WLS: variants seen among roughly 807,000 people sequenced by gnomAD.
WLS encodes the protein Wnt ligand secretion mediator, also known as protein wntless homolog.
A neutral mutation model predicts 62.8 loss-of-function variants in WLS; 23 were observed. That is an observed-to-expected ratio of 0.37 (90% CI 0.26 to 0.52). The LOEUF is 0.52. WLS is among the 20% of genes least tolerant of loss of function. The pLI is 0.92. For missense variants in WLS, 615 were observed against 697.3 expected (o/e 0.88, Z 1.33); for synonymous variants, 246 against 244.1 (o/e 1.01, Z -0.07).
At chr1:68,129,375 ATTTAC>A (rs904528140) in intron 11 of WLS, among the ~76,000 whole-genome samples, 4 of 152,162 alleles carry the variant, frequency 2.6e-5, no homozygotes, top group African/African-American at 7.2e-5. Flanking sequence ...TGTTTAGCAT[ATTTAC>A]TTTGCTTTTG....
At chr1:68,107,384 G>A (rs1432898884) in intron 11 of WLS, among the ~76,000 whole-genome samples, 2 of 152,026 alleles carry the variant, frequency 1.3e-5, no homozygotes, top group Non-Finnish European at 1.5e-5. Flanking sequence ...TTTAACAGCT[G>A]GAAGGTAGGA....
At chr1:68,192,374 G>A (rs1648358014) in intron 2 of WLS, among the ~76,000 whole-genome samples, 1 of 151,842 alleles carries the variant, frequency 6.6e-6, no homozygotes, top group South Asian at 2.1e-4. Flanking sequence ...CCAAAAATTT[G>A]GGGAGGCTAA....
At chr1:68,218,232 G>T (rs1327097685) in intron 1 of WLS, among the ~76,000 whole-genome samples, 1 of 119,854 alleles carries the variant, frequency 8.3e-6, no homozygotes, top group Non-Finnish European at 2.2e-5. Context: ...GTATCAAAAT[G>T]GTGGATTTTT....
intron 2 of WLS, among the ~76,000 whole-genome samples, chr1:68,178,945 G>C (rs1647394783): frequency 6.6e-6 from 1 of 152,078 alleles, no homozygotes. Flanking sequence ...ACTCTTTGAG[G>C]TTATTTATAC....
Position 68,106,752 on chromosome 1 carries a change from ATGTGTGG to A in WLS, c.1511-8006_1511-8000del, listed in dbSNP as rs1557443443. On this transcript the variant is annotated intron_variant, in intron 11 of 11. Coordinates refer to the WLS transcript ENST00000354777. Reference sequence around the variant, plus strand: ...TGTGTGTGTGTGTGTGTGTGTGTGTATGTGTGGGTAGGTGGGTGGGTGAGTATAGAGG... The same window carrying A: ...TGTGTGTGTGTGTGTGTGTGTGTGTAGTAGGTGGGTGGGTGAGTATAGAGG... Among the ~76,000 whole-genome samples, 3 of 118,194 alleles carry A rather than the reference ATGTGTGG, an allele frequency of 2.5e-5. No homozygotes were observed. In the East Asian group the frequency reaches 7.5e-4, roughly 30 times the overall value. 77.5% of individuals were successfully genotyped at this position (118,194 alleles called of 152,430 possible).
In WLS at chr1:68,223,118, GGACA is replaced by G. The variant is rs909764910; in HGVS notation, c.106+9072_106+9075del. Among the ~76,000 whole-genome samples, 50 of 152,212 alleles carry G rather than the reference GGACA, an allele frequency of 3.3e-4. 1 individual carries two copies. The South Asian group carries it at 4.6e-3, about 14-fold the overall frequency. ...GTTGGCAAATCATCCCAACTCAGAA[GGACA>G]GACTTACAAAATGGCATAATCAAGC... On this transcript the variant is annotated intron_variant, in intron 1 of 11. Coordinates refer to ENST00000262348, the MANE Select transcript of WLS (RefSeq NM_024911.7).
At chr1:68,199,843 C>T (rs1038935125) in intron 1 of WLS, among the ~76,000 whole-genome samples, 2 of 152,122 alleles carry the variant, frequency 1.3e-5, no homozygotes, top group Non-Finnish European at 2.9e-5. Context: ...TGGAAGGAGG[C>T]GGAGTGAGAG....
Position 68,219,854 on chromosome 1 carries a change from C to T in WLS, c.106+12340G>A, listed in dbSNP as rs552373191. Among the ~76,000 whole-genome samples, 22 of 152,202 alleles carry T rather than the reference C, an allele frequency of 1.4e-4. 2 individuals are homozygous for T. In the South Asian group the frequency reaches 4.6e-3, roughly 32 times the overall value. On this transcript the variant is annotated intron_variant, in intron 1 of 11. Transcript: ENST00000262348. ...TCCTCAAAGTTTGACTTTAAGAAGT[C>T]TTTGTCATTCACGTTATTATCTAGA... is the stretch of plus-strand genomic sequence containing the variant.
chr1:68,182,475 T>C (rs1360745000), intron 2 of WLS, among the ~76,000 whole-genome samples: 1 of 152,196 alleles, frequency 6.6e-6, no homozygotes, highest in Non-Finnish European at 1.5e-5. Flanking sequence ...TCCCTAATCT[T>C]CTCTATCCTG....
intron 11 of WLS, among the ~76,000 whole-genome samples, chr1:68,113,776 G>C (rs1292280175): frequency 3.9e-5 from 6 of 152,144 alleles, no homozygotes; most frequent in Non-Finnish European, 8.8e-5. Context: ...GCTCCCAGGT[G>C]AACTGTCCGC....
At chr1:68,110,007 T>TAAAAAAAAAAAAAAAAAAAAAAAAAAA (rs11290966) in intron 11 of WLS, among the ~76,000 whole-genome samples, 7 of 28,430 alleles carry the variant, frequency 2.5e-4, no homozygotes, top group Admixed American at 4.1e-4. Context: ...ACACAAAAAG[T>TAAAAAAAAAAAAAAAAAAAAAAAAAAA]AAAAAAAAAA....
In WLS at chr1:68,232,505, T is replaced by A. The variant is rs547365278; in HGVS notation, c.-206A>T. The A allele has an allele frequency of 9.4e-7, 1 of 1,063,084 alleles. No individual in the cohort carries two copies. Among genetic ancestry groups the A allele is most frequent in the Non-Finnish European group, 1.3e-6 (1 of 789,442 alleles). 65.9% of individuals were successfully genotyped at this position (1,063,084 alleles called of 1,614,324 possible). ...GCGCAGCCGGCTCGGGTTCCCCCAATGCCCGGAGCTGTGATTGTGGCCGCT... is the reference window on the plus strand; with the variant it reads ...GCGCAGCCGGCTCGGGTTCCCCCAAAGCCCGGAGCTGTGATTGTGGCCGCT... On this transcript the variant is annotated 5_prime_UTR_variant, in exon 1 of 12. Coordinates refer to ENST00000262348, the MANE Select transcript of WLS (RefSeq NM_024911.7).
chr1:68,175,570 T>G (rs77131748), intron 2 of WLS, among the ~76,000 whole-genome samples: 5,742 of 152,268 alleles, frequency 0.038, 355 homozygotes, highest in African/African-American at 0.13. Flanking sequence ...AGTTCTAATA[T>G]TTCATGAATG....
intron 5 of WLS, 21 bp downstream of exon 5, chr1:68,153,494 AGC>A: frequency 6.2e-7 from 1 of 1,613,878 alleles, no homozygotes; most frequent in Non-Finnish European, 8.5e-7. Context: ...ATTCCTGAAG[AGC>A]GCTCCAAAAC....
At chr1:68,175,761 C>T (rs1647232308) in intron 2 of WLS, among the ~76,000 whole-genome samples, 1 of 152,106 alleles carries the variant, frequency 6.6e-6, no homozygotes, top group African/African-American at 2.4e-5. Flanking sequence ...TACAAAAATA[C>T]CAGAGAACCA....
At chr1:68,118,923 T>C (rs1033332219) in intron 11 of WLS, among the ~76,000 whole-genome samples, 45 of 134,816 alleles carry the variant, frequency 3.3e-4, no homozygotes, top group African/African-American at 1.2e-3. Flanking sequence ...CAATATTAGA[T>C]GTTCAACATA....
At chr1:68,106,743 T>C (rs981224181) in intron 11 of WLS, among the ~76,000 whole-genome samples, 1 of 123,912 alleles carries the variant, frequency 8.1e-6, no homozygotes, top group Admixed American at 8.4e-5. Flanking sequence ...TGTGTGTGTG[T>C]GTGTGTGTAT....
intron 1 of WLS, among the ~76,000 whole-genome samples, chr1:68,224,104 C>T (rs1289305650): frequency 6.6e-6 from 1 of 152,156 alleles, no homozygotes; most frequent in Admixed American, 6.6e-5. Context: ...TCTGAGTTAA[C>T]CCAGGGAATT....
At position 68,129,046 on chromosome 1, in the gene WLS, C is replaced by T. The variant is rs550233267; in HGVS notation, c.1517-2711G>A. On this transcript the variant is annotated intron_variant, in intron 11 of 11. Coordinates refer to ENST00000262348, the MANE Select transcript of WLS (RefSeq NM_024911.7). Reference sequence around the variant, plus strand: ...ACAGCTAAAAATATCCGCATACAGCCGGGTGCGGTGGCTCACATCTGTAAT... The same window carrying T: ...ACAGCTAAAAATATCCGCATACAGCTGGGTGCGGTGGCTCACATCTGTAAT... Among the ~76,000 whole-genome samples, 15 of 152,234 alleles carry T rather than the reference C, an allele frequency of 9.9e-5. No individual in the cohort carries two copies. The South Asian group carries it at 2.3e-3, about 23-fold the overall frequency.
Sources: gnomAD v4.1 joint callset for allele counts (sites outside exome capture counted in the v4.1 genomes callset) on GRCh38, gnomAD v4.1.1 for gene constraint, MANE v1.5 for transcripts, NCBI Gene and HGNC (gene_info 2026-07-23, HGNC 2026-07-21) for gene names.